Variants in SNED1 observed in about 807,000 individuals in gnomAD.
The protein encoded by SNED1 is sushi, nidogen and EGF-like domain-containing protein 1.
Under a neutral mutation model 166.7 loss-of-function variants are expected in SNED1, and 81 were observed. The observed-to-expected ratio is 0.49, with a 90% CI of 0.41 to 0.58. SNED1 has a LOEUF of 0.58. SNED1 is among the 20% of genes least tolerant of loss of function. SNED1 has a pLI of 0.00. For missense variants in SNED1, 1,604 were observed against 2,000.2 expected (o/e 0.80, Z 3.78); for synonymous variants, 762 against 822.0 (o/e 0.93, Z 1.25).
intron 27 of SNED1, among the ~76,000 whole-genome samples, chr2:241,077,964 G>T (rs6437233): frequency 6.6e-6 from 1 of 151,968 alleles, no homozygotes; most frequent in Admixed American, 6.6e-5. Flanking sequence ...CCCAGTAATT[G>T]CACTCCTAGG....
At chr2:241,014,966 C>T (rs1005758919) in intron 1 of SNED1, among the ~76,000 whole-genome samples, 1 of 152,302 alleles carries the variant, frequency 6.6e-6, no homozygotes, top group East Asian at 1.9e-4. Context: ...CCGGGCTCTC[C>T]CTCCTGCTTC....
rs775546808 is a variant in SNED1, at chr2:241,071,869, G to A, written c.3808G>A (p.Val1270Met). Residue 1270 changes from valine to methionine, a missense_variant, in exon 26 of 32, where the codon GTG (valine) becomes ATG (methionine). Val to Met is a conservative substitution (Grantham distance 21). This residue lies in a region of SNED1 where 367 missense variants were observed against 379.4 expected (regional missense o/e 0.97). Coordinates refer to ENST00000310397, the MANE Select transcript of SNED1 (RefSeq NM_001080437.3). The part of the protein sequence containing the change: ...FGGSPSKAAT[V>M]RSQPTASAQL... ...TGGCTCACCCAGCAAAGCAGCCACCGTGAGATCACGTGAGTGCCAGGGCCT... is the reference window on the plus strand; with the variant it reads ...TGGCTCACCCAGCAAAGCAGCCACCATGAGATCACGTGAGTGCCAGGGCCT... 1.6e-5 allele frequency: 25 copies of A among 1,600,566 alleles called. No homozygotes were observed. Among genetic ancestry groups the A allele is most frequent in the African/African-American group, 4.0e-5 (3 of 74,676 alleles).
In SNED1 at chr2:241,071,655, G is replaced by C. The variant is rs779400360; in HGVS notation, c.3669G>C (p.Ala1223=). ...PRVLKNRPPP[A]RLPELRLLND... ...TGCTCAAGAACAGACCGCCCCCGGC[G>C]CGCCTGCCGGAGCTGCGCCTGCTCA... Residue 1223 remains alanine (A), a synonymous_variant, in exon 25 of 32, where the codon GCG becomes GCC. Transcript: ENST00000310397. The C allele has an allele frequency of 6.4e-7, 1 of 1,568,492 alleles. No individual in the cohort carries two copies. The highest frequency in any genetic ancestry group is 8.6e-7 in the Non-Finnish European group (1 of 1,164,130).
At chr2:241,042,830 A>T (rs764502272) in intron 8 of SNED1, among the ~76,000 whole-genome samples, 6 of 152,252 alleles carry the variant, frequency 3.9e-5, no homozygotes, top group Non-Finnish European at 8.8e-5. Flanking sequence ...AGAGAATAAG[A>T]CTAAAAGAAA....
intron 1 of SNED1, among the ~76,000 whole-genome samples, chr2:241,007,206 G>A (rs754730088): frequency 3.3e-5 from 5 of 152,208 alleles, no homozygotes; most frequent in Non-Finnish European, 7.3e-5. Context: ...AGGGTGCAGA[G>A]GGTCATGAGG....
intron 16 of SNED1, among the ~76,000 whole-genome samples, chr2:241,062,288 A>G (rs2062258904): frequency 6.6e-6 from 1 of 152,320 alleles, no homozygotes; most frequent in Non-Finnish European, 1.5e-5. Flanking sequence ...CCCAGATGTC[A>G]CTAAGTCATT....
chr2:241,085,638 A>G (rs1403748886), intron 29 of SNED1, among the ~76,000 whole-genome samples: 1 of 151,964 alleles, frequency 6.6e-6, no homozygotes, highest in Non-Finnish European at 1.5e-5. Context: ...TGATTCTTGA[A>G]TGTCTTATAG....
intron 1 of SNED1, among the ~76,000 whole-genome samples, chr2:241,024,445 C>T (rs566895591): frequency 6.6e-6 from 1 of 150,538 alleles, no homozygotes; most frequent in East Asian, 2.0e-4. Context: ...GACAGGGTTT[C>T]ACTATGTTGG....
intron 1 of SNED1, among the ~76,000 whole-genome samples, chr2:241,026,259 AC>A (rs1276210070): frequency 6.6e-6 from 1 of 151,404 alleles, no homozygotes; most frequent in Non-Finnish European, 1.5e-5. Flanking sequence ...CTCATGATCC[AC>A]CCACCTCAGC....
intron 10 of SNED1, 23 bp from the exon 11 acceptor site, chr2:241,048,999 G>T: frequency 6.3e-7 from 1 of 1,579,700 alleles, no homozygotes; most frequent in Non-Finnish European, 8.7e-7. Flanking sequence ...AATATGGGAT[G>T]GGGCTTCCTC....
At chr2:241,056,868 A>G (rs2062062901) in intron 16 of SNED1, among the ~76,000 whole-genome samples, 2 of 152,158 alleles carry the variant, frequency 1.3e-5, no homozygotes, top group African/African-American at 4.8e-5. Context: ...GGCATGAGCC[A>G]CTGCGCCGGG....
At chr2:241,088,010 G>A (rs998875507) in intron 30 of SNED1, 13 of 390,012 alleles carry the variant, frequency 3.3e-5, no homozygotes, top group Middle Eastern at 6.6e-4. Context: ...CCAAGTGTCC[G>A]GGCAAGGCCG....
intron 1 of SNED1, among the ~76,000 whole-genome samples, chr2:241,000,967 G>A (rs1468901914): frequency 6.6e-6 from 1 of 152,214 alleles, no homozygotes; most frequent in Admixed American, 6.5e-5. Context: ...AGCAGGTTAG[G>A]GCTGAAGCCA....
intron 1 of SNED1, among the ~76,000 whole-genome samples, chr2:241,000,977 A>G (rs2060059651): frequency 6.6e-6 from 1 of 152,224 alleles, no homozygotes; most frequent in African/African-American, 2.4e-5. Flanking sequence ...GGCTGAAGCC[A>G]GGTGGAAAGA....
At chr2:241,040,792 A>G (rs2061502328) in intron 8 of SNED1, 1 of 476,048 alleles carries the variant, frequency 2.1e-6, no homozygotes, top group Non-Finnish European at 4.3e-6. Flanking sequence ...CTCCTACTCT[A>G]GAACCCTCAG....
At chr2:241,015,108 A>G (rs995589318) in intron 1 of SNED1, among the ~76,000 whole-genome samples, 3 of 152,206 alleles carry the variant, frequency 2.0e-5, no homozygotes, top group African/African-American at 7.2e-5. Flanking sequence ...TTTTCACATA[A>G]AATGTAGAAT....
At position 241,048,724 on chromosome 2, in the gene SNED1, T is replaced by C; in HGVS notation, c.1462T>C (p.Cys488Arg). ...GRCLGANTTL[C>R]QCPLGFFGLL... ...ATGCCTGGGCGCCAACACCACCCTC[T>C]GCCAGTGCCCCCTGGGATTCTTTGG... Residue 488 changes from cysteine to arginine, a missense_variant, in exon 10 of 32, where the codon TGC becomes CGC. This residue lies in a region of SNED1 where 1,237 missense variants were observed against 1,620.8 expected (regional missense o/e 0.76). Transcript: ENST00000310397. 1 of 1,612,992 alleles carries C rather than the reference T, an allele frequency of 6.2e-7. No homozygotes were observed. Among genetic ancestry groups the C allele is most frequent in the Non-Finnish European group, 8.5e-7 (1 of 1,179,586 alleles).
chr2:241,067,840 G>A lies in SNED1; in HGVS notation c.3087G>A (p.Arg1029=), dbSNP rs1271499013. The A allele has an allele frequency of 1.2e-6, 2 of 1,613,306 alleles. No homozygotes were observed. Among genetic ancestry groups the A allele is most frequent in the African/African-American group, 1.3e-5 (1 of 74,922 alleles). The change falls in exon 22 of 32, where the codon AGG becomes AGA. Residue 1029 remains arginine, a synonymous_variant. Transcript: ENST00000310397. ...STISVQWALH[R]IRHATVSGVR... ...TCTCAGTGCAGTGGGCCCTGCACAG[G>A]ATCCGCCATGCCACCGTCAGTGGGG...
At position 241,033,730 on chromosome 2, in the gene SNED1, G is replaced by C. The variant is rs374398932; in HGVS notation, c.502-5G>C. On this transcript the variant is annotated splice_polypyrimidine_tract_variant and splice_region_variant and intron_variant, in intron 2 of 31. Transcript: ENST00000310397. The stretch of plus-strand genomic sequence containing the variant: ...GGGCCCTGTTCAGCCCCCTCTCCCC[G>C]GCAGGTCAACACATTCCAGACTGTG... 1.9e-5 allele frequency: 31 copies of C among 1,609,866 alleles called. No homozygotes were observed. Among genetic ancestry groups the C allele is most frequent in the Non-Finnish European group, 2.5e-5 (29 of 1,178,668 alleles).
Sources: allele counts gnomAD v4.1 joint callset (sites outside exome capture counted in the v4.1 genomes callset), GRCh38; gene constraint gnomAD v4.1.1; regional missense constraint gnomAD v4.1.1; transcripts MANE v1.5; gene names NCBI Gene and HGNC (gene_info 2026-07-23, HGNC 2026-07-21).